The following GPR158 variants were observed in gnomAD, a reference collection of about 807,000 sequenced individuals.
GPR158 encodes metabotropic glycine receptor.
Under a neutral mutation model 78.2 loss-of-function variants are expected in GPR158, and 30 were observed. The observed-to-expected ratio is 0.38, with a 90% confidence interval of 0.29 to 0.52. The LOEUF (loss-of-function observed/expected upper bound fraction) is 0.52. Ranked by LOEUF, GPR158 falls within the 20% of genes least tolerant of loss-of-function variation. The pLI, the probability that GPR158 is intolerant of heterozygous loss-of-function variation, is 0.83. For missense variants in GPR158, 1,463 were observed against 1,523.5 expected, an observed-to-expected ratio of 0.96 and a Z score of 0.66; for synonymous variants, 581 against 591.1, an observed-to-expected ratio of 0.98 and a Z score of 0.25.
intron 2 of GPR158, among the ~76,000 whole-genome samples, chr10:25,274,167 A>C (rs1163913103): frequency 6.6e-6 from 1 of 152,120 alleles, no homozygotes; most frequent in Non-Finnish European, 1.5e-5. Flanking sequence ...ACAACACCAA[A>C]GATTGTTCTG....
rs148804273 is a variant in GPR158, at chr10:25,572,838, C to T, written c.1704C>T (p.Leu568=). The T allele has an allele frequency of 3.5e-5, 56 of 1,613,520 alleles. No homozygotes were observed. The African/African-American group carries it at 5.6e-4, about 16-fold the overall frequency. Residue 568 remains leucine (L), a synonymous_variant, in exon 7 of 11, where the codon CTC becomes CTT. Transcript: ENST00000376351. The stretch of plus-strand genomic sequence containing the variant: ...GCCAGGGGAAAACATCCGATCACCT[C>T]ATCTTCAATATGTGCCTCATTGACC... The part of the protein sequence containing the change: ...LIGQGKTSDH[L]IFNMCLIDRW...
At position 25,319,867 on chromosome 10, in the gene GPR158, G is replaced by A. The variant is rs565652189; in HGVS notation, c.1009-76044G>A. ...CTGACCTGATTTTCTGTGTACTGTG[G>A]CAAATGAAAAATAAGGGTTCAAAAT... On this transcript the variant is annotated intron_variant, in intron 2 of 10. Coordinates refer to ENST00000376351, the MANE Select transcript of GPR158 (RefSeq NM_020752.3). Among the ~76,000 whole-genome samples the A allele has an allele frequency of 2.0e-5, 3 of 150,702 alleles. No individual in the cohort carries two copies. In the South Asian group the frequency reaches 6.3e-4, roughly 32 times the overall value.
chr10:25,345,348 A>T (rs2130511501), intron 2 of GPR158, among the ~76,000 whole-genome samples: 1 of 152,106 alleles, frequency 6.6e-6, no homozygotes, highest in Admixed American at 6.6e-5. Context: ...ATAGAACAAA[A>T]GTTAACAGTC....
At chr10:25,196,054 G>C (rs1261135897) in intron 1 of GPR158, among the ~76,000 whole-genome samples, 1 of 151,542 alleles carries the variant, frequency 6.6e-6, no homozygotes, top group Admixed American at 6.6e-5. Context: ...TCATTTTATT[G>C]ATTACACTTG....
At chr10:25,378,078 A>G (rs1834106544) in intron 2 of GPR158, among the ~76,000 whole-genome samples, 1 of 152,118 alleles carries the variant, frequency 6.6e-6, no homozygotes, top group Admixed American at 6.6e-5. Flanking sequence ...GTGAAGTAGT[A>G]TCTCATAGTG....
chr10:25,524,867 A>G (rs1221173672), intron 5 of GPR158, among the ~76,000 whole-genome samples: 3 of 152,226 alleles, frequency 2.0e-5, no homozygotes, highest in Admixed American at 6.5e-5. Flanking sequence ...AAGAGACAAT[A>G]TTTGTATGTC....
intron 4 of GPR158, among the ~76,000 whole-genome samples, chr10:25,440,332 C>G (rs1835051931): frequency 6.6e-6 from 1 of 152,174 alleles, no homozygotes; most frequent in Non-Finnish European, 1.5e-5. Flanking sequence ...CACTGTTGAT[C>G]ATGCCTTGAG....
chr10:25,178,384 T>C (rs1852569338), intron 1 of GPR158, among the ~76,000 whole-genome samples: 1 of 152,186 alleles, frequency 6.6e-6, no homozygotes, highest in African/African-American at 2.4e-5. Flanking sequence ...AGGGCCGCTG[T>C]GGAACTGAGG....
intron 5 of GPR158, among the ~76,000 whole-genome samples, chr10:25,537,869 C>A (rs1003607719): frequency 6.6e-6 from 1 of 152,120 alleles, no homozygotes; most frequent in Non-Finnish European, 1.5e-5. Context: ...TTCCCCTTCA[C>A]CTTCTATGGT....
intron 2 of GPR158, among the ~76,000 whole-genome samples, chr10:25,372,339 C>G (rs1834007718): frequency 6.6e-6 from 1 of 151,622 alleles, no homozygotes; most frequent in Non-Finnish European, 1.5e-5. Flanking sequence ...ACCATTTGAC[C>G]CAGCCATCCC....
At chr10:25,441,938 C>T (rs889506815) in intron 4 of GPR158, among the ~76,000 whole-genome samples, 12 of 152,104 alleles carry the variant, frequency 7.9e-5, no homozygotes, top group African/African-American at 2.7e-4. Flanking sequence ...GACAATGGAA[C>T]GTGAATGGAG....
chr10:25,375,556 G>A (rs1834066812), intron 2 of GPR158, among the ~76,000 whole-genome samples: 4 of 151,472 alleles, frequency 2.6e-5, no homozygotes, highest in South Asian at 4.1e-4. Context: ...CACATAAGAT[G>A]TGAATTTTAG....
intron 2 of GPR158, among the ~76,000 whole-genome samples, chr10:25,338,526 T>TTACGTATATTATATATACGTAATATATAA (rs1564426320): frequency 9.7e-6 from 1 of 102,758 alleles, no homozygotes; most frequent in Admixed American, 1.0e-4. Flanking sequence ...TATACGTATA[T>TTACGTATATTATATATACGTAATATATAA]TACGTATATT....
chr10:25,399,610 ACT>A (rs1834413786), intron 3 of GPR158, among the ~76,000 whole-genome samples: 1 of 151,968 alleles, frequency 6.6e-6, no homozygotes, highest in South Asian at 2.1e-4. Context: ...GCAGTAAAGT[ACT>A]CTTTGACCAA....
rs896325352 is a variant in GPR158, at chr10:25,192,579, A to G, written c.902+16257A>G. Among the ~76,000 whole-genome samples, 3 of 152,202 alleles carry G rather than the reference A, an allele frequency of 2.0e-5. 1 individual carries two copies. Among genetic ancestry groups the G allele is most frequent in the African/African-American group, 7.2e-5 (3 of 41,436 alleles). ...GCTCAATTCCCTCATTGCAAAAGGT[A>G]TAGAATGCCTCTTACTGTTGTAAAG... On this transcript the variant is annotated intron_variant, in intron 1 of 10. Coordinates refer to ENST00000376351, the MANE Select transcript of GPR158 (RefSeq NM_020752.3).
At chr10:25,587,159 C>T (rs1381564099) in intron 7 of GPR158, among the ~76,000 whole-genome samples, 1 of 152,176 alleles carries the variant, frequency 6.6e-6, no homozygotes, top group Non-Finnish European at 1.5e-5. Context: ...TCTGGTGTCT[C>T]ATTGTCCAGA....
intron 1 of GPR158, among the ~76,000 whole-genome samples, chr10:25,193,649 T>A (rs1374355679): frequency 6.6e-6 from 1 of 152,208 alleles, no homozygotes; most frequent in African/African-American, 2.4e-5. Context: ...ACATTGTGAA[T>A]GCATTTTCAT....
At chr10:25,250,347 T>G (rs1228344767) in intron 2 of GPR158, among the ~76,000 whole-genome samples, 1 of 129,644 alleles carries the variant, frequency 7.7e-6, no homozygotes, top group Non-Finnish European at 1.6e-5. Context: ...TTTCTTGCCT[T>G]CTGCTAGCTT....
At chr10:25,260,508 C>CTT (rs879658572) in intron 2 of GPR158, among the ~76,000 whole-genome samples, 31 of 145,256 alleles carry the variant, frequency 2.1e-4, no homozygotes, top group African/African-American at 7.8e-4. Flanking sequence ...ATATGTTAGG[C>CTT]TTTTTTTTTT....
Sources: allele counts gnomAD v4.1 joint callset (sites outside exome capture counted in the v4.1 genomes callset), GRCh38; gene constraint gnomAD v4.1.1; transcripts MANE v1.5; gene names NCBI Gene and HGNC (gene_info 2026-07-23, HGNC 2026-07-21).